The following RBFOX1 variants were observed in gnomAD, a reference collection of about 807,000 sequenced individuals.
RBFOX1 encodes RNA binding protein fox-1 homolog 1.
RBFOX1 carries 8 observed loss-of-function variants against 57.7 expected under a neutral mutation model. The observed-to-expected ratio is 0.14, with a 90% CI of 0.08 to 0.25. The LOEUF (loss-of-function observed/expected upper bound fraction) is 0.25. Among genes scored for constraint, RBFOX1 ranks in the 10% least tolerant of loss-of-function variants. The pLI, the probability that RBFOX1 is intolerant of heterozygous loss-of-function variation, is 1.00. For synonymous variants in RBFOX1, 326 were observed against 222.4 expected, an observed-to-expected ratio of 1.47 and a Z score of -4.15; for missense variants, 611 against 548.5, an observed-to-expected ratio of 1.11 and a Z score of -1.14.
intron 4 of RBFOX1, among the ~76,000 whole-genome samples, chr16:5,999,285 C>G (rs907746998): frequency 3.9e-5 from 6 of 152,158 alleles, no homozygotes; most frequent in African/African-American, 1.4e-4. Context: ...CTAGAATTCC[C>G]CCTCATGCTT....
At chr16:6,200,311 C>A (rs1007693035) in intron 1 of RBFOX1, among the ~76,000 whole-genome samples, 3 of 152,082 alleles carry the variant, frequency 2.0e-5, no homozygotes, top group African/African-American at 7.2e-5. Context: ...TTTTGTTCAA[C>A]GCTTTTCATT....
At chr16:6,863,461 A>C (rs542790440) in intron 3 of RBFOX1, among the ~76,000 whole-genome samples, 1 of 152,156 alleles carries the variant, frequency 6.6e-6, no homozygotes, top group African/African-American at 2.4e-5. Context: ...GCCTTCTGCT[A>C]CCTCTGAATT....
At chr16:5,954,056 C>T (rs1331761748) in intron 4 of RBFOX1, among the ~76,000 whole-genome samples, 1 of 152,168 alleles carries the variant, frequency 6.6e-6, no homozygotes, top group East Asian at 1.9e-4. Context: ...GAGGATGGGG[C>T]ACTGCACACT....
At chr16:7,328,144 C>G (rs1183518381) in intron 4 of RBFOX1, among the ~76,000 whole-genome samples, 1 of 152,118 alleles carries the variant, frequency 6.6e-6, no homozygotes. Context: ...GGCGGAGACT[C>G]AGGTGTGCAC....
rs1430188921 is a variant in RBFOX1, at chr16:6,483,175, G to T, written c.-64+166118G>T. On this transcript the variant is annotated intron_variant, in intron 2 of 15. Transcript: ENST00000550418. ...AAAAACATTGGGCGTCTCATTTGGC[G>T]AGCGTTTTGGCGCGGACAGAGGCCG... 6.2e-6 allele frequency: 7 copies of T among 1,124,368 alleles called. No individual in the cohort carries two copies. The South Asian group carries it at 9.9e-5, about 16-fold the overall frequency. 69.6% of individuals were successfully genotyped at this position (1,124,368 alleles called of 1,614,324 possible).
intron 2 of RBFOX1, among the ~76,000 whole-genome samples, chr16:6,603,136 T>G (rs1286738367): frequency 6.6e-6 from 1 of 152,186 alleles, no homozygotes; most frequent in African/African-American, 2.4e-5. Context: ...GAATTGTTCT[T>G]TACAGATCTA....
At chr16:6,620,117 C>T (rs2098206116) in intron 2 of RBFOX1, among the ~76,000 whole-genome samples, 1 of 152,154 alleles carries the variant, frequency 6.6e-6, no homozygotes, top group South Asian at 2.1e-4. Context: ...CATTGGTAGG[C>T]ATTTAGGTTA....
chr16:5,302,285 CAG>C (rs766652581), intron 1 of RBFOX1, among the ~76,000 whole-genome samples: 19 of 152,070 alleles, frequency 1.2e-4, no homozygotes, highest in Non-Finnish European at 2.5e-4. Flanking sequence ...ATACTGTTGT[CAG>C]AGAAATCATT....
rs114572516 is a variant in RBFOX1 at position 7,446,276 on chromosome 16, A to G, written c.28-71871A>G. 3.1e-3 allele frequency among the ~76,000 whole-genome samples: 479 copies of G among 152,290 alleles called. 2 individuals carry two copies. Among genetic ancestry groups the G allele is most frequent in the African/African-American group, 0.011 (455 of 41,552 alleles). On this transcript the variant is annotated intron_variant, in intron 4 of 15. Coordinates refer to ENST00000550418, the MANE Select transcript of RBFOX1 (RefSeq NM_018723.4). ...GAAGGAGGATATTTTAGTTCCTTCT[A>G]TGATTGAGTTGCTTGTCACTTGAGT...
chr16:6,305,348 A>T (rs2079367875), intron 1 of RBFOX1, among the ~76,000 whole-genome samples: 1 of 152,178 alleles, frequency 6.6e-6, no homozygotes. Context: ...ATGTCAGTGC[A>T]ATGCTGCATG....
intron 3 of RBFOX1, among the ~76,000 whole-genome samples, chr16:5,856,537 ATGTGTGTG>A (rs774246673): frequency 5.7e-5 from 4 of 70,258 alleles, no homozygotes; most frequent in Non-Finnish European, 1.1e-4. Context: ...ATATATGTGT[ATGTGTGTG>A]TGTGTGTGTG....
Position 7,510,343 on chromosome 16 carries a change from T to C in RBFOX1, c.28-7804T>C, listed in dbSNP as rs527748002. On this transcript the variant is annotated intron_variant, in intron 4 of 15. Transcript: ENST00000550418. Reference sequence around the variant, plus strand: ...TTTGTTTTTTTTTCCATTTAATCTTTCACTCAAAATTGCGATTTGAATGAA... The same window carrying C: ...TTTGTTTTTTTTTCCATTTAATCTTCCACTCAAAATTGCGATTTGAATGAA... The C allele has an allele frequency of 1.1e-5, 11 of 985,536 alleles. No homozygotes were observed. In the South Asian group the frequency reaches 3.3e-4, roughly 29 times the overall value. The allele number at this position is 985,536 out of a possible 1,614,324, so 61.0% of individuals were successfully genotyped here. A position where few individuals can be genotyped will look rare whatever the true frequency, so the allele number is the denominator to read the frequency against.
chr16:5,894,636 G>C (rs1219908837), intron 4 of RBFOX1, among the ~76,000 whole-genome samples: 1 of 152,134 alleles, frequency 6.6e-6, no homozygotes, highest in African/African-American at 2.4e-5. Context: ...AGAGCCCTGA[G>C]TTTCCTTCTG....
At chr16:7,304,527 T>C (rs2096124418) in intron 4 of RBFOX1, 1 of 985,108 alleles carries the variant, frequency 1.0e-6, no homozygotes, top group Admixed American at 6.1e-5. Flanking sequence ...TTCCTGGGGC[T>C]GGGCCAGATG....
At chr16:6,350,913 C>A (rs189475105) in intron 2 of RBFOX1, among the ~76,000 whole-genome samples, 5 of 152,332 alleles carry the variant, frequency 3.3e-5, no homozygotes, top group African/African-American at 1.2e-4. Context: ...TCTTCTGCCT[C>A]CCTTAGTGGT....
chr16:5,952,949 G>T (rs984484632), intron 4 of RBFOX1, among the ~76,000 whole-genome samples: 2 of 152,148 alleles, frequency 1.3e-5, no homozygotes, highest in African/African-American at 4.8e-5. Context: ...TTTGGTTTTG[G>T]TTTTTACAAG....
chr16:6,994,846 T>C (rs1027321003), intron 3 of RBFOX1, among the ~76,000 whole-genome samples: 1 of 152,134 alleles, frequency 6.6e-6, no homozygotes, highest in Non-Finnish European at 1.5e-5. Context: ...CTTTTGATGG[T>C]AGACACAAGG....
At chr16:5,847,379 G>GA (rs1236792682) in intron 3 of RBFOX1, among the ~76,000 whole-genome samples, 1 of 145,922 alleles carries the variant, frequency 6.9e-6, no homozygotes, top group Non-Finnish European at 1.5e-5. Flanking sequence ...GGTGGGGGGG[G>GA]AATCTTAAAA....
intron 2 of RBFOX1, among the ~76,000 whole-genome samples, chr16:6,336,957 G>C (rs996661687): frequency 1.3e-5 from 2 of 152,152 alleles, no homozygotes; most frequent in Non-Finnish European, 2.9e-5. Flanking sequence ...CACTGTTCGA[G>C]TTTTTCTTTG....
Sources: allele counts gnomAD v4.1 joint callset (sites outside exome capture counted in the v4.1 genomes callset), GRCh38; gene constraint gnomAD v4.1.1; transcripts MANE v1.5; gene names NCBI Gene and HGNC (gene_info 2026-07-23, HGNC 2026-07-21).